NXPH1: variants seen among roughly 807,000 people sequenced by gnomAD.
The protein encoded by NXPH1 is neurexophilin 1.
Under a neutral mutation model 23.7 loss-of-function variants are expected in NXPH1, and 5 were observed. The ratio of observed to expected loss-of-function variants is 0.21; its 90% CI spans 0.11 to 0.44. NXPH1 has a LOEUF of 0.44. Among genes scored for constraint, NXPH1 ranks in the 20% least tolerant of loss-of-function variants. The pLI is 0.99. For synonymous variants in NXPH1, 144 were observed against 122.2 expected, an observed-to-expected ratio of 1.18 and a Z score of -1.18; for missense variants, 324 against 321.6, an observed-to-expected ratio of 1.01 and a Z score of -0.06.
intron 2 of NXPH1, among the ~76,000 whole-genome samples, chr7:8,715,257 C>T (rs927636053): frequency 2.6e-5 from 4 of 152,240 alleles, no homozygotes; most frequent in African/African-American, 7.2e-5. Flanking sequence ...CTCCCTCCCG[C>T]AGGTGCCCAG....
intron 2 of NXPH1, among the ~76,000 whole-genome samples, chr7:8,469,940 A>T (rs1816846778): frequency 6.6e-6 from 1 of 152,106 alleles, no homozygotes; most frequent in South Asian, 2.1e-4. Context: ...AAGAGCTGCA[A>T]TTCTTTCCTA....
chr7:8,655,436 C>G (rs71531405), intron 2 of NXPH1, among the ~76,000 whole-genome samples: 103,284 of 144,020 alleles, frequency 0.72, 37,561 homozygotes, highest in East Asian at 0.99. Context: ...CTCTCTCTCT[C>G]TCTCTCTCTC....
At chr7:8,463,556 GTT>G (rs1816729568) in intron 2 of NXPH1, among the ~76,000 whole-genome samples, 1 of 151,942 alleles carries the variant, frequency 6.6e-6, no homozygotes, top group African/African-American at 2.4e-5. Context: ...CCCAAGTTAT[GTT>G]TCCACCAAGA....
chr7:8,708,677 CTA>C (rs1779740500), intron 2 of NXPH1, among the ~76,000 whole-genome samples: 1 of 151,992 alleles, frequency 6.6e-6, no homozygotes, highest in South Asian at 2.1e-4. Context: ...ATGTGTTTCT[CTA>C]TATCCACCCC....
chr7:8,539,071 A>G (rs977596460), intron 2 of NXPH1, among the ~76,000 whole-genome samples: 4 of 151,898 alleles, frequency 2.6e-5, no homozygotes, highest in Admixed American at 6.6e-5. Flanking sequence ...ACAGCGAACA[A>G]TATTACACAG....
intron 2 of NXPH1, among the ~76,000 whole-genome samples, chr7:8,653,073 A>G (rs1235622596): frequency 4.0e-5 from 6 of 151,860 alleles, no homozygotes; most frequent in Non-Finnish European, 7.4e-5. Flanking sequence ...TCACAAATCT[A>G]TGAAGAACTT....
intron 2 of NXPH1, among the ~76,000 whole-genome samples, chr7:8,582,291 G>A (rs2128623882): frequency 6.6e-6 from 1 of 152,330 alleles, no homozygotes; most frequent in South Asian, 2.1e-4. Flanking sequence ...AGTATGGTGA[G>A]TGGGGTCTGT....
Position 8,678,971 on chromosome 7 carries a change from C to G in NXPH1, c.55-72037C>G, listed in dbSNP as rs189068117. Among the ~76,000 whole-genome samples, 12 of 73,208 alleles carry G rather than the reference C, an allele frequency of 1.6e-4. No homozygotes were observed. In the Admixed American group the frequency reaches 1.7e-3, roughly 10 times the overall value. 48.0% of individuals were successfully genotyped at this position (73,208 alleles called of 152,430 possible). ...TTTTTTTTTTTTTTTTTTGTTGAGA[C>G]GGAGTCTCGCTCTGTCACCCAGGCT... On this transcript the variant is annotated intron_variant, in intron 2 of 2. Transcript: ENST00000405863.
At chr7:8,559,043 T>C (rs1818401896) in intron 2 of NXPH1, among the ~76,000 whole-genome samples, 1 of 151,726 alleles carries the variant, frequency 6.6e-6, no homozygotes, top group Non-Finnish European at 1.5e-5. Context: ...CATAGCTTAC[T>C]ATAACCTTCA....
intron 2 of NXPH1, among the ~76,000 whole-genome samples, chr7:8,555,018 A>G (rs942895152): frequency 6.6e-6 from 1 of 151,682 alleles, no homozygotes; most frequent in Admixed American, 6.6e-5. Context: ...GCTTGATAGT[A>G]GGGAAGGGCA....
intron 2 of NXPH1, among the ~76,000 whole-genome samples, chr7:8,458,052 T>C (rs1333779766): frequency 6.6e-6 from 1 of 152,220 alleles, no homozygotes; most frequent in African/African-American, 2.4e-5. Context: ...AACTGATGCA[T>C]TTCAAAAATT....
intron 2 of NXPH1, among the ~76,000 whole-genome samples, chr7:8,468,595 C>A (rs146671479): frequency 1.3e-5 from 2 of 152,040 alleles, no homozygotes; most frequent in African/African-American, 4.8e-5. Flanking sequence ...GATCAGGAAA[C>A]TATGGCCTGG....
chr7:8,486,712 C>T (rs535159184), intron 2 of NXPH1, among the ~76,000 whole-genome samples: 1 of 152,272 alleles, frequency 6.6e-6, no homozygotes, highest in Non-Finnish European at 1.5e-5. Flanking sequence ...TCTGGCTTTC[C>T]CATCTTTCTT....
At position 8,442,719 on chromosome 7, in the gene NXPH1, C is replaced by T. The variant is rs117330550; in HGVS notation, c.54+6952C>T. On this transcript the variant is annotated intron_variant, in intron 2 of 2. Transcript: ENST00000405863. This position sits in a 1 kb window ranked among gnomAD's most constrained non-coding sequence, Gnocchi z 4.6. ...CCGCCACAGCTGCGCGCTTTATTGT[C>T]TGCTTTCAGTCGCAGGTGACCTCGA... is the stretch of plus-strand genomic sequence containing the variant. 6.8e-3 allele frequency among the ~76,000 whole-genome samples: 1,043 copies of T among 152,358 alleles called. 2 individuals carry two copies. Among genetic ancestry groups the T allele is most frequent in the Non-Finnish European group, 0.011 (770 of 68,022 alleles).
At chr7:8,579,357 T>G (rs1818820014) in intron 2 of NXPH1, among the ~76,000 whole-genome samples, 1 of 124,356 alleles carries the variant, frequency 8.0e-6, no homozygotes, top group African/African-American at 4.3e-5. Flanking sequence ...AATTCAAGTT[T>G]TTTTTGTTTT....
At chr7:8,449,126 A>T (rs1023869198) in intron 2 of NXPH1, among the ~76,000 whole-genome samples, 7 of 152,250 alleles carry the variant, frequency 4.6e-5, no homozygotes, top group Admixed American at 1.3e-4. Flanking sequence ...GCCTTTGGCC[A>T]GGGGGCTTTT....
intron 2 of NXPH1, among the ~76,000 whole-genome samples, chr7:8,480,361 T>C (rs1817052721): frequency 6.6e-6 from 1 of 152,216 alleles, no homozygotes; most frequent in African/African-American, 2.4e-5. Context: ...GCCTGAGATC[T>C]TATTAAATGC....
At chr7:8,549,901 A>G (rs912634148) in intron 2 of NXPH1, among the ~76,000 whole-genome samples, 11 of 151,496 alleles carry the variant, frequency 7.3e-5, no homozygotes, top group African/African-American at 2.7e-4. Flanking sequence ...ATTGTTTCTC[A>G]AATTCCCTCT....
intron 2 of NXPH1, among the ~76,000 whole-genome samples, chr7:8,518,911 A>G (rs985366518): frequency 6.6e-6 from 1 of 151,490 alleles, no homozygotes; most frequent in Non-Finnish European, 1.5e-5. Flanking sequence ...AGCTTCCCCC[A>G]TCCCCTGTTC....
Sources: gnomAD v4.1 joint callset for allele counts (sites outside exome capture counted in the v4.1 genomes callset) on GRCh38, gnomAD v4.1.1 for gene constraint, Gnocchi (gnomAD v3.1) non-coding constraint, MANE v1.5 for transcripts, NCBI Gene and HGNC (gene_info 2026-07-23, HGNC 2026-07-21) for gene names.